The following KLC4 variants were observed in gnomAD, a reference collection of about 807,000 sequenced individuals.
KLC4 encodes the protein kinesin light chain 4.
In KLC4, 49 loss-of-function variants were observed where a neutral mutation model predicts 77.2. That is an observed-to-expected ratio of 0.63 (90% CI 0.50 to 0.80). The LOEUF (loss-of-function observed/expected upper bound fraction) is 0.80. Ranked by LOEUF, KLC4 falls within the 30% of genes least tolerant of loss-of-function variation. The probability of loss-of-function intolerance (pLI) is 0.00; values close to 1 mark genes in which losing one functional copy is unlikely to be tolerated. For synonymous variants in KLC4, 274 were observed against 314.5 expected, an observed-to-expected ratio of 0.87 and a Z score of 1.36; for missense variants, 669 against 793.5, an observed-to-expected ratio of 0.84 and a Z score of 1.89.
intron 1 of KLC4, chr6:43,061,037 G>T: frequency 2.3e-6 from 1 of 436,876 alleles, no homozygotes; most frequent in Non-Finnish European, 4.1e-6. Context: ...CTTTTCCTAA[G>T]TCCTAAATCC....
intron 7 of KLC4, 93 bp from the exon 8 acceptor site, chr6:43,070,599 T>C: frequency 6.8e-7 from 1 of 1,469,668 alleles, no homozygotes; most frequent in Non-Finnish European, 9.4e-7. Flanking sequence ...TTTCCTCTGC[T>C]TTCCACATGT....
intron 15 of KLC4, 129 bp downstream of exon 15, chr6:43,074,094 A>C: frequency 1.5e-6 from 1 of 687,666 alleles, no homozygotes; most frequent in Non-Finnish European, 2.4e-6. Flanking sequence ...AGGGGATTGC[A>C]GTCATTAAGG....
At chr6:43,059,730 C>A in intron 1 of KLC4, 45 bp downstream of exon 1, 1 of 1,253,908 alleles carries the variant, frequency 8.0e-7, no homozygotes, top group Non-Finnish European at 1.0e-6. Flanking sequence ...AAGGTCTCTG[C>A]CATCTCTTAT....
Position 43,072,212 on chromosome 6 carries a change from CT to C in KLC4, c.1446del (p.Ala483LeufsTer45). On this transcript the variant is annotated frameshift_variant, in exon 12 of 16. Coordinates refer to ENST00000347162, the MANE Select transcript of KLC4 (RefSeq NM_201521.3). LOFTEE classifies it high-confidence loss of function. ...TATAGGCGCCAGGGAAAGCTGGAGG[CT>C]GCTGAGACCCTGGAGGAATGTGCCC... is the stretch of plus-strand genomic sequence containing the variant. Reference protein sequence around the residue: ...ALYRRQGKLEAAETLEECALR... With the variant: ...ALYRRQGKLEXAETLEECALR... The C allele has an allele frequency of 6.2e-7, 1 of 1,614,178 alleles. No individual in the cohort carries two copies.
Position 43,061,383 on chromosome 6 carries a change from G to A in KLC4, c.48G>A (p.Arg16=). The part of the protein sequence containing the change: ...LGQRDEPAGH[R]LSQEEILGST... ...AGCGGGATGAGCCTGCAGGCCACCG[G>A]CTCAGCCAAGAGGAGATCCTGGGGA... The change falls in exon 2 of 16, where the codon CGG becomes CGA. Residue 16 remains arginine (R), a synonymous_variant. Coordinates refer to ENST00000347162, the MANE Select transcript of KLC4 (RefSeq NM_201521.3). 1 of 1,613,886 alleles carries A rather than the reference G, an allele frequency of 6.2e-7. No individual in the cohort carries two copies. Among genetic ancestry groups the A allele is most frequent in the South Asian group, 1.1e-5 (1 of 91,092 alleles).
intron 9 of KLC4, 75 bp from the exon 10 acceptor site, chr6:43,071,492 C>A: frequency 1.3e-6 from 2 of 1,561,308 alleles, no homozygotes; most frequent in Non-Finnish European, 1.8e-6. Flanking sequence ...TCCAGCCTGT[C>A]AGCCTCTGGG....
chr6:43,072,345 A>G, intron 12 of KLC4, 90 bp downstream of exon 12: 1 of 964,468 alleles, frequency 1.0e-6, no homozygotes, highest in Non-Finnish European at 1.6e-6. Context: ...CCTAAGAATA[A>G]GCGGAAAGGC....
intron 6 of KLC4, among the ~76,000 whole-genome samples, chr6:43,070,095 CAAAA>C (rs1160489881): frequency 3.8e-5 from 3 of 79,434 alleles, no homozygotes; most frequent in African/African-American, 1.0e-4. Context: ...ACAACAACAA[CAAAA>C]AAAAAAAAAA....
chr6:43,065,013 A>AG (rs534114870), intron 3 of KLC4, among the ~76,000 whole-genome samples: 180 of 152,300 alleles, frequency 1.2e-3, no homozygotes, highest in Non-Finnish European at 2.0e-3. Flanking sequence ...AGATCAGCAT[A>AG]GGGCCATAAT....
chr6:43,074,142 A>G (rs1765862468), intron 15 of KLC4, among the ~76,000 whole-genome samples, 177 bp downstream of exon 15: 2 of 152,214 alleles, frequency 1.3e-5, no homozygotes, highest in Non-Finnish European at 2.9e-5. Context: ...CTGACCACCA[A>G]GGGACAGTTT....
At position 43,071,867 on chromosome 6, in the gene KLC4, G is replaced by GC; in HGVS notation, c.1324_1325insC (p.Gly442AlafsTer7). On this transcript the variant is annotated frameshift_variant, in exon 11 of 16. Transcript: ENST00000347162. LOFTEE classifies it high-confidence loss of function. ...TGTCCTGCAGAGCCGGCACCATGAG[G>GC]GTGGGACACCCTATGCTGAGTATGG... 2 of 1,612,394 alleles carry GC rather than the reference G, an allele frequency of 1.2e-6. No homozygotes were observed. The highest frequency in any genetic ancestry group is 2.2e-5 in the South Asian group (2 of 90,386).
intron 5 of KLC4, 24 bp downstream of exon 5, chr6:43,066,549 C>A: frequency 6.3e-7 from 1 of 1,579,014 alleles, no homozygotes; most frequent in Non-Finnish European, 8.7e-7. Flanking sequence ...TCCTCCAGTG[C>A]CCAGATCTTC....
rs573313966 is a variant in KLC4 at position 43,073,039 on chromosome 6, G to C, written c.1629+75G>C. 293 of 1,510,032 alleles carry C rather than the reference G, an allele frequency of 1.9e-4. No homozygotes were observed. The African/African-American group carries it at 3.6e-3, about 19-fold the overall frequency. The allele number at this position is 1,510,032 out of a possible 1,614,324, so 93.5% of individuals were successfully genotyped here. On this transcript the variant is annotated intron_variant, in intron 13 of 15. Coordinates refer to ENST00000347162, the MANE Select transcript of KLC4 (RefSeq NM_201521.3). The stretch of plus-strand genomic sequence containing the variant: ...GTGGTGAGAGGCTCTTGGCCATGCT[G>C]TCCCAGTCTAGGTAGTGTATTCCTT...
intron 14 of KLC4, chr6:43,073,647 CAA>C (rs1159219168): frequency 3.2e-4 from 106 of 326,376 alleles, no homozygotes; most frequent in East Asian, 5.1e-4. Context: ...GACTCCGTCT[CAA>C]AAAAAAAAAG....
At chr6:43,062,127 A>G (rs1033133461) in intron 2 of KLC4, among the ~76,000 whole-genome samples, 6 of 152,248 alleles carry the variant, frequency 3.9e-5, no homozygotes, top group Non-Finnish European at 8.8e-5. Context: ...GCAAGGGGCC[A>G]GTATGGCTGC....
Position 43,061,427 on chromosome 6 carries a change from A to G in KLC4, c.92A>G (p.Gln31Arg). The G allele has an allele frequency of 6.2e-7, 1 of 1,614,166 alleles. No homozygotes were observed. The highest frequency in any genetic ancestry group is 1.1e-5 in the South Asian group (1 of 91,088). ...CTGGGGAGCACACGGCTGGTCAGCC[A>G]AGGGCTAGAGGCCCTACGCAGTGAA... is the stretch of plus-strand genomic sequence containing the variant. ...EILGSTRLVS[Q>R]GLEALRSEHQ... The change falls in exon 2 of 16, where the codon CAA (glutamine) becomes CGA (arginine). Residue 31 changes from glutamine (Q) to arginine (R), a missense_variant. By Grantham distance (43) the Gln-to-Arg change is conservative. Coordinates refer to ENST00000347162, the MANE Select transcript of KLC4 (RefSeq NM_201521.3).
chr6:43,063,105 C>T lies in KLC4; in HGVS notation c.447C>T (p.Phe149=), dbSNP rs957911102. The part of the protein sequence containing the change: ...QLEEEKKHLE[F]LGQLRQYDED... Reference sequence around the variant, plus strand: ...AGGAGGAAAAGAAGCACCTGGAGTTCCTGGGGCAGCTGCGGCAGTATGATG... The same window carrying T: ...AGGAGGAAAAGAAGCACCTGGAGTTTCTGGGGCAGCTGCGGCAGTATGATG... Residue 149 remains phenylalanine (F), a synonymous_variant, in exon 3 of 16, where the codon TTC becomes TTT. Coordinates refer to ENST00000347162, the MANE Select transcript of KLC4 (RefSeq NM_201521.3). 3.7e-6 allele frequency: 6 copies of T among 1,613,972 alleles called. No individual in the cohort carries two copies. The highest frequency in any genetic ancestry group is 5.1e-6 in the Non-Finnish European group (6 of 1,179,994).
intron 12 of KLC4, 99 bp from the exon 13 acceptor site, chr6:43,072,725 A>AC: frequency 8.4e-7 from 1 of 1,193,792 alleles, no homozygotes; most frequent in Non-Finnish European, 1.2e-6. Context: ...CACAAGGAAA[A>AC]ATGTTTTCCT....
In KLC4 at chr6:43,071,583, C is replaced by T. The variant is rs1477343673; in HGVS notation, c.1272C>T (p.Ile424=). The T allele has an allele frequency of 1.2e-6, 2 of 1,613,772 alleles. No homozygotes were observed. Among genetic ancestry groups the T allele is most frequent in the Non-Finnish European group, 1.7e-6 (2 of 1,179,950 alleles). ...FGSVDDDHKP[I]WMHAEEREEM... is the part of the protein sequence containing the mutation. ...CACCCCTAGATGACCACAAGCCCAT[C>T]TGGATGCATGCAGAGGAGCGGGAGG... Residue 424 remains isoleucine, a synonymous_variant, in exon 10 of 16, where the codon ATC becomes ATT. Transcript: ENST00000347162.
Sources: allele counts gnomAD v4.1 joint callset (sites outside exome capture counted in the v4.1 genomes callset), GRCh38; gene constraint gnomAD v4.1.1; transcripts MANE v1.5; gene names NCBI Gene and HGNC (gene_info 2026-07-23, HGNC 2026-07-21).